Variants in UBE2K observed in about 807,000 individuals in gnomAD.
UBE2K encodes ubiquitin conjugating enzyme E2 K, also known as ubiquitin-conjugating enzyme E2 K.
A neutral mutation model predicts 30.0 loss-of-function variants in UBE2K; 6 were observed. That is an observed-to-expected ratio of 0.20 (90% CI 0.11 to 0.39). The LOEUF (loss-of-function observed/expected upper bound fraction) is 0.39. Ranked by LOEUF, UBE2K falls within the 10% of genes least tolerant of loss-of-function variation. The pLI is 1.00. For missense variants in UBE2K, 61 were observed against 241.6 expected (o/e 0.25, Z 4.96); for synonymous variants, 86 against 83.7 (o/e 1.03, Z -0.15).
At chr4:39,711,630 T>C (rs1446544470) in intron 1 of UBE2K, among the ~76,000 whole-genome samples, 1 of 151,974 alleles carries the variant, frequency 6.6e-6, no homozygotes, top group African/African-American at 2.4e-5. Flanking sequence ...TTGGGGAACA[T>C]GTAAGAGTTT....
chr4:39,775,453 A>G (rs1464542168), intron 5 of UBE2K, among the ~76,000 whole-genome samples: 1 of 152,228 alleles, frequency 6.6e-6, no homozygotes, highest in African/African-American at 2.4e-5. Flanking sequence ...CTGACCTGTT[A>G]AGAAACAGTT....
intron 1 of UBE2K, among the ~76,000 whole-genome samples, chr4:39,735,368 C>T (rs1466174476): frequency 1.3e-5 from 2 of 152,102 alleles, no homozygotes; most frequent in African/African-American, 4.8e-5. Flanking sequence ...ACCACCATGC[C>T]CAACTAAATT....
chr4:39,764,118 G>T (rs992897145), intron 4 of UBE2K, among the ~76,000 whole-genome samples: 4 of 152,186 alleles, frequency 2.6e-5, no homozygotes, highest in African/African-American at 9.7e-5. Flanking sequence ...CATTTGGGAG[G>T]CCAAGGCAGG....
At chr4:39,730,434 C>T (rs950244735) in intron 1 of UBE2K, among the ~76,000 whole-genome samples, 15 of 152,080 alleles carry the variant, frequency 9.9e-5, no homozygotes, top group African/African-American at 3.1e-4. Context: ...GATCCTCCCT[C>T]CTTTGCCCCA....
At chr4:39,752,576 TC>T (rs1412261123) in intron 3 of UBE2K, among the ~76,000 whole-genome samples, 1 of 152,088 alleles carries the variant, frequency 6.6e-6, no homozygotes, top group South Asian at 2.1e-4. Flanking sequence ...GACCTTGTGA[TC>T]CACCTGCCTC....
At chr4:39,759,734 A>G (rs189705153) in intron 4 of UBE2K, among the ~76,000 whole-genome samples, 1 of 152,340 alleles carries the variant, frequency 6.6e-6, no homozygotes, top group East Asian at 1.9e-4. Flanking sequence ...CTGCCCTTCT[A>G]AAAGACACAA....
chr4:39,745,890 G>A, intron 3 of UBE2K, 80 bp downstream of exon 3: 1 of 1,101,670 alleles, frequency 9.1e-7, no homozygotes, highest in Non-Finnish European at 1.3e-6. Context: ...TATATTTTAG[G>A]GCTTATTAAA....
chr4:39,776,688 C>T (rs1382694953), intron 5 of UBE2K, among the ~76,000 whole-genome samples: 1 of 151,980 alleles, frequency 6.6e-6, no homozygotes, highest in African/African-American at 2.4e-5. Flanking sequence ...CTTCTTTTCC[C>T]TTGAAGATCT....
chr4:39,761,861 A>ATT (rs922242067), intron 4 of UBE2K, among the ~76,000 whole-genome samples: 7 of 147,448 alleles, frequency 4.7e-5, no homozygotes, highest in African/African-American at 1.7e-4. Flanking sequence ...TATAGTATTC[A>ATT]TTTTTTTTTT....
chr4:39,756,513 C>T (rs1023105066), intron 4 of UBE2K, among the ~76,000 whole-genome samples: 6 of 151,814 alleles, frequency 4.0e-5, no homozygotes, highest in African/African-American at 7.3e-5. Flanking sequence ...AGTGCAGTGG[C>T]GCAATCACAG....
chr4:39,743,213 C>CT (rs930823218), intron 2 of UBE2K, among the ~76,000 whole-genome samples: 1 of 152,114 alleles, frequency 6.6e-6, no homozygotes. Context: ...TCTTGTTTGA[C>CT]TTTTTGAAGA....
chr4:39,755,519 C>A, intron 3 of UBE2K, 138 bp from the exon 4 acceptor site: 1 of 616,826 alleles, frequency 1.6e-6, no homozygotes, highest in Non-Finnish European at 2.8e-6. Context: ...TTCTACACCC[C>A]TTCTTTCACC....
chr4:39,774,063 A>C (rs1713120345), intron 4 of UBE2K, among the ~76,000 whole-genome samples: 1 of 152,182 alleles, frequency 6.6e-6, no homozygotes, highest in Non-Finnish European at 1.5e-5. Flanking sequence ...TTGGGAGGCC[A>C]AGGTGGATGG....
At chr4:39,726,392 T>C (rs1395909369) in intron 1 of UBE2K, among the ~76,000 whole-genome samples, 1 of 152,152 alleles carries the variant, frequency 6.6e-6, no homozygotes, top group Non-Finnish European at 1.5e-5. Flanking sequence ...CTTTTTCTTT[T>C]TCTTTTTTGT....
chr4:39,720,249 G>A (rs1719346151), intron 1 of UBE2K, among the ~76,000 whole-genome samples: 1 of 152,098 alleles, frequency 6.6e-6, no homozygotes, highest in African/African-American at 2.4e-5. Context: ...TGTTAATAAT[G>A]TAGTCAGGTC....
At chr4:39,719,246 A>G (rs1395795209) in intron 1 of UBE2K, among the ~76,000 whole-genome samples, 2 of 152,092 alleles carry the variant, frequency 1.3e-5, no homozygotes, top group South Asian at 2.1e-4. Flanking sequence ...TTCGAAACCT[A>G]CTTGTCCTAA....
chr4:39,742,021 G>T (rs561147412), intron 2 of UBE2K, among the ~76,000 whole-genome samples: 1 of 152,012 alleles, frequency 6.6e-6, no homozygotes, highest in East Asian at 1.9e-4. Flanking sequence ...TTGTCAGAGC[G>T]TGTAACATAA....
intron 3 of UBE2K, among the ~76,000 whole-genome samples, chr4:39,752,631 C>T (rs1375271711): frequency 1.3e-5 from 2 of 152,116 alleles, no homozygotes; most frequent in African/African-American, 4.8e-5. Context: ...CCACTGCGCC[C>T]AGCCACCATT....
intron 1 of UBE2K, among the ~76,000 whole-genome samples, chr4:39,725,843 A>G (rs1020838620): frequency 2.0e-5 from 3 of 152,040 alleles, no homozygotes; most frequent in African/African-American, 4.8e-5. Context: ...AGGTTTTGCC[A>G]TGTTGCCCAG....
Sources: allele counts gnomAD v4.1 joint callset (sites outside exome capture counted in the v4.1 genomes callset), GRCh38; gene constraint gnomAD v4.1.1; transcripts MANE v1.5; gene names NCBI Gene and HGNC (gene_info 2026-07-23, HGNC 2026-07-21).